Variants in PTDSS2 observed in about 807,000 individuals in gnomAD.
The protein encoded by PTDSS2 is phosphatidylserine synthase 2.
A neutral mutation model predicts 64.7 loss-of-function variants in PTDSS2; 41 were observed. That is an observed-to-expected ratio of 0.63 (90% CI 0.49 to 0.82). The LOEUF (loss-of-function observed/expected upper bound fraction) is 0.82. Among genes scored for constraint, PTDSS2 ranks in the 40% least tolerant of loss-of-function variants. The pLI is 0.00. For synonymous variants in PTDSS2, 297 were observed against 277.8 expected, an observed-to-expected ratio of 1.07 and a Z score of -0.69; for missense variants, 485 against 650.0, an observed-to-expected ratio of 0.75 and a Z score of 2.76.
chr11:471,187 C>G (rs962356638), intron 2 of PTDSS2, among the ~76,000 whole-genome samples: 1 of 150,174 alleles, frequency 6.7e-6, no homozygotes, highest in African/African-American at 2.5e-5. Context: ...CCTCTACCTC[C>G]CAGATTCAAG....
chr11:459,103 C>G lies in PTDSS2; in HGVS notation c.183-1084C>G, dbSNP rs906347461. 35 of 113,668 alleles carry G rather than the reference C, an allele frequency of 3.1e-4. 2 individuals carry two copies. Among genetic ancestry groups the G allele is most frequent in the African/African-American group, 1.2e-3 (35 of 29,414 alleles). 7.0% of individuals were successfully genotyped at this position (113,668 alleles called of 1,614,324 possible). Reference sequence around the variant, plus strand: ...CCTGGGTTAGACGTGAGGGGACACTCCGGTGGATGTCGGACCTGGGTTAGA... The same window carrying G: ...CCTGGGTTAGACGTGAGGGGACACTGCGGTGGATGTCGGACCTGGGTTAGA... On this transcript the variant is annotated intron_variant, in intron 1 of 11. Transcript: ENST00000308020.
At position 479,528 on chromosome 11, in the gene PTDSS2, A is replaced by G. The variant is rs1429062881; in HGVS notation, c.435+376A>G. Reference sequence around the variant, plus strand: ...GGGTGGCTTTGCCCACAGCTGTCGTATCTGAGTGCTGGTGGGGACTGGGCG... The same window carrying G: ...GGGTGGCTTTGCCCACAGCTGTCGTGTCTGAGTGCTGGTGGGGACTGGGCG... On this transcript the variant is annotated intron_variant, in intron 4 of 11. Coordinates refer to ENST00000308020, the MANE Select transcript of PTDSS2 (RefSeq NM_030783.3). The surrounding 1 kb of genome is among the most constrained non-coding windows in gnomAD (Gnocchi z 4.2). The G allele has an allele frequency of 3.3e-6, 1 of 302,604 alleles. No individual in the cohort carries two copies. Among genetic ancestry groups the G allele is most frequent in the Non-Finnish European group, 6.3e-6 (1 of 159,384 alleles). 18.7% of individuals were successfully genotyped at this position (302,604 alleles called of 1,614,324 possible).
At chr11:475,477 TACAG>T (rs1280390161) in intron 3 of PTDSS2, among the ~76,000 whole-genome samples, 8 of 151,818 alleles carry the variant, frequency 5.3e-5, no homozygotes, top group Admixed American at 1.3e-4. Context: ...GCATTTGTGA[TACAG>T]ACATATTCAC....
At position 488,437 on chromosome 11, in the gene PTDSS2, G is replaced by A. The variant is rs1181668364; in HGVS notation, c.736-92G>A. Reference sequence around the variant, plus strand: ...GGGGGGCAGTGGGTGCAGGCTGAGGGGCATTCTCGGTTCCCCTGTGCTCTT... The same window carrying A: ...GGGGGGCAGTGGGTGCAGGCTGAGGAGCATTCTCGGTTCCCCTGTGCTCTT... On this transcript the variant is annotated intron_variant, in intron 7 of 11. Coordinates refer to ENST00000308020, the MANE Select transcript of PTDSS2 (RefSeq NM_030783.3). The A allele has an allele frequency of 3.0e-6, 4 of 1,342,150 alleles. No homozygotes were observed. In the African/African-American group the frequency reaches 4.3e-5, roughly 14 times the overall value. 83.1% of individuals were successfully genotyped at this position (1,342,150 alleles called of 1,614,324 possible).
intron 4 of PTDSS2, among the ~76,000 whole-genome samples, chr11:482,468 C>T (rs956453537): frequency 4.6e-5 from 7 of 152,156 alleles, no homozygotes; most frequent in Non-Finnish European, 7.3e-5. Flanking sequence ...AGTGAGCCAC[C>T]GCACCTGACT....
Position 489,662 on chromosome 11 carries a change from C to G in PTDSS2, c.1044C>G (p.Leu348=), listed in dbSNP as rs1032232755. 1 of 1,599,160 alleles carries G rather than the reference C, an allele frequency of 6.3e-7. No individual in the cohort carries two copies. The highest frequency in any genetic ancestry group is 2.3e-5 in the East Asian group (1 of 44,016). The change falls in exon 10 of 12, where the codon CTC becomes CTG. Residue 348 remains leucine, a synonymous_variant. Transcript: ENST00000308020. The part of the protein sequence containing the change: ...LWMPPEHYLV[L]LRLVFFVNVG... ...TGCCCCCGGAGCACTACCTGGTCCT[C>G]CTGCGGCTCGTCTTCTTCGTGAACG...
chr11:470,884 A>G lies in PTDSS2; in HGVS notation c.285-3011A>G, dbSNP rs1041522071. Among the ~76,000 whole-genome samples, 3 of 152,052 alleles carry G rather than the reference A, an allele frequency of 2.0e-5. No homozygotes were observed. Among genetic ancestry groups the G allele is most frequent in the Admixed American group, 2.0e-4 (3 of 15,260 alleles). On this transcript the variant is annotated intron_variant, in intron 2 of 11. Transcript: ENST00000308020. This position sits in a 1 kb window ranked among gnomAD's most constrained non-coding sequence, Gnocchi z 5.3. ...ATTACAGGCGTGAGCCACCGCACCCAGCCAGCACCGGCTTATTAATGGTGA... is the reference window on the plus strand; with the variant it reads ...ATTACAGGCGTGAGCCACCGCACCCGGCCAGCACCGGCTTATTAATGGTGA...
intron 11 of PTDSS2, 144 bp from the exon 12 acceptor site, chr11:490,276 C>T (rs1393105724): frequency 2.2e-5 from 27 of 1,252,670 alleles, no homozygotes; most frequent in Non-Finnish European, 2.9e-5. Flanking sequence ...CTCCAGTCTG[C>T]CACGGCTGCC....
At chr11:486,330 G>A (rs1267834095) in intron 4 of PTDSS2, among the ~76,000 whole-genome samples, 1 of 152,178 alleles carries the variant, frequency 6.6e-6, no homozygotes, top group Non-Finnish European at 1.5e-5. Flanking sequence ...CAGTAACTCA[G>A]GGCCCCATCC....
intron 4 of PTDSS2, 186 bp from the exon 5 acceptor site, chr11:486,753 C>T (rs1180257819): frequency 3.4e-6 from 1 of 295,454 alleles, no homozygotes; most frequent in Non-Finnish European, 5.0e-6. Flanking sequence ...GAGGCTGAGG[C>T]AGGAGAATGG....
intron 2 of PTDSS2, among the ~76,000 whole-genome samples, chr11:472,251 T>C (rs1847499816): frequency 6.6e-6 from 1 of 152,148 alleles, no homozygotes; most frequent in Non-Finnish European, 1.5e-5. Flanking sequence ...GTTATGACCC[T>C]CCCCACGCCC....
chr11:457,304 C>T (rs908137752), intron 1 of PTDSS2, among the ~76,000 whole-genome samples: 8 of 152,260 alleles, frequency 5.3e-5, no homozygotes, highest in African/African-American at 1.7e-4. Context: ...TTCCATCATC[C>T]GGAAGGCCCG....
Position 479,526 on chromosome 11 carries a change from G to A in PTDSS2, c.435+374G>A, listed in dbSNP as rs1025718362. 4.2e-5 allele frequency: 13 copies of A among 310,064 alleles called. No individual in the cohort carries two copies. The highest frequency in any genetic ancestry group is 1.7e-4 in the African/African-American group (8 of 46,048). The allele number at this position is 310,064 out of a possible 1,614,324, so 19.2% of individuals were successfully genotyped here. A position where few individuals can be genotyped will look rare whatever the true frequency, so the allele number is the denominator to read the frequency against. Reference sequence around the variant, plus strand: ...CAGGGTGGCTTTGCCCACAGCTGTCGTATCTGAGTGCTGGTGGGGACTGGG... The same window carrying A: ...CAGGGTGGCTTTGCCCACAGCTGTCATATCTGAGTGCTGGTGGGGACTGGG... On this transcript the variant is annotated intron_variant, in intron 4 of 11. Coordinates refer to ENST00000308020, the MANE Select transcript of PTDSS2 (RefSeq NM_030783.3). This position sits in a 1 kb window ranked among gnomAD's most constrained non-coding sequence, Gnocchi z 4.2.
In PTDSS2 at chr11:450,514, C is replaced by T; in HGVS notation, c.59C>T (p.Ala20Val). The change falls in exon 1 of 12, where the codon GCG becomes GTG. Residue 20 changes from alanine (A) to valine (V), a missense_variant. Ala to Val is a moderately conservative substitution (Grantham distance 64). Transcript: ENST00000308020. ...GGPRPESPVP[A>V]GRASLEEPPD... The stretch of plus-strand genomic sequence containing the variant: ...CCGCGGCCCGAGTCCCCGGTGCCCG[C>T]GGGCAGGGCCTCGCTGGAGGAGCCG... The T allele has an allele frequency of 6.5e-6, 8 of 1,239,564 alleles. No individual in the cohort carries two copies. Among genetic ancestry groups the T allele is most frequent in the Non-Finnish European group, 8.1e-6 (8 of 985,056 alleles). The allele number at this position is 1,239,564 out of a possible 1,614,324, so 76.8% of individuals were successfully genotyped here. A position where few individuals can be genotyped will look rare whatever the true frequency, so the allele number is the denominator to read the frequency against.
chr11:453,003 T>C (rs1306679897), intron 1 of PTDSS2, among the ~76,000 whole-genome samples: 1 of 152,132 alleles, frequency 6.6e-6, no homozygotes, highest in Non-Finnish European at 1.5e-5. Flanking sequence ...ATTGCTGAGA[T>C]TACAGGCATG....
At position 450,573 on chromosome 11, in the gene PTDSS2, C is replaced by T; in HGVS notation, c.118C>T (p.Pro40Ser). ...DGPSAGQATG[P>S]GEGRRSTESE... ...GCCGTCTGCCGGCCAAGCCACCGGG[C>T]CGGGCGAGGGCCGCCGCAGCACCGA... is the stretch of plus-strand genomic sequence containing the variant. Residue 40 changes from proline (P) to serine (S), a missense_variant, in exon 1 of 12, where the codon CCG (proline) becomes TCG (serine). Physicochemically the swap from Pro to Ser is moderately conservative, Grantham distance 74. Coordinates refer to ENST00000308020, the MANE Select transcript of PTDSS2 (RefSeq NM_030783.3). The T allele has an allele frequency of 8.0e-7, 1 of 1,243,336 alleles. No individual in the cohort carries two copies. Among genetic ancestry groups the T allele is most frequent in the Middle Eastern group, 3.1e-4 (1 of 3,200 alleles). 77.0% of individuals were successfully genotyped at this position (1,243,336 alleles called of 1,614,324 possible).
intron 4 of PTDSS2, among the ~76,000 whole-genome samples, chr11:486,385 G>A (rs1374999958): frequency 2.0e-5 from 3 of 152,206 alleles, no homozygotes; most frequent in East Asian, 1.9e-4. Context: ...GTCCTGAAGC[G>A]CACCTGTGCC....
intron 1 of PTDSS2, chr11:451,303 A>C (rs576064273): frequency 1.2e-5 from 5 of 414,494 alleles, no homozygotes; most frequent in African/African-American, 8.1e-5. Context: ...TGGGGGTGGA[A>C]AAGGAAGAGG....
rs1005759263 is a variant in PTDSS2, at chr11:460,582, T to C, written c.284+294T>C. ...TCCTCTGAGTTTTGCATGTTGAGGT[T>C]GGAACGAGCTGCAGCAGCTACAGGG... On this transcript the variant is annotated intron_variant, in intron 2 of 11. Transcript: ENST00000308020. This position sits in a 1 kb window ranked among gnomAD's most constrained non-coding sequence, Gnocchi z 5.8. 1 of 356,714 alleles carries C rather than the reference T, an allele frequency of 2.8e-6. No individual in the cohort carries two copies. The highest frequency in any genetic ancestry group is 5.3e-6 in the Non-Finnish European group (1 of 188,212). 22.1% of individuals were successfully genotyped at this position (356,714 alleles called of 1,614,324 possible).
Sources: gnomAD v4.1 joint callset for allele counts (sites outside exome capture counted in the v4.1 genomes callset) on GRCh38, gnomAD v4.1.1 for gene constraint, Gnocchi (gnomAD v3.1) non-coding constraint, MANE v1.5 for transcripts, NCBI Gene and HGNC (gene_info 2026-07-23, HGNC 2026-07-21) for gene names.